Variants in ZNF438 observed in about 807,000 individuals in gnomAD.
The protein encoded by ZNF438 is zinc finger protein 438.
Under a neutral mutation model 38.0 loss-of-function variants are expected in ZNF438, and 25 were observed. That is an observed-to-expected ratio of 0.66 (90% CI 0.48 to 0.92). The LOEUF (loss-of-function observed/expected upper bound fraction) is 0.92. ZNF438 is among the 40% of genes least tolerant of loss of function. The probability of loss-of-function intolerance (pLI) is 0.00; values close to 1 mark genes in which losing one functional copy is unlikely to be tolerated. For synonymous variants in ZNF438, 372 were observed against 364.1 expected, an observed-to-expected ratio of 1.02 and a Z score of -0.25; for missense variants, 1,007 against 999.6, an observed-to-expected ratio of 1.01 and a Z score of -0.10.
At chr10:30,970,452 T>C (rs142457345) in intron 1 of ZNF438, among the ~76,000 whole-genome samples, 8 of 152,340 alleles carry the variant, frequency 5.3e-5, no homozygotes, top group Admixed American at 2.0e-4. Context: ...AATATTATTA[T>C]TTGATTAAAA....
chr10:30,958,249 A>C (rs2049086397), intron 1 of ZNF438, among the ~76,000 whole-genome samples: 1 of 147,118 alleles, frequency 6.8e-6, no homozygotes, highest in Admixed American at 6.9e-5. Flanking sequence ...AGGTCTTCAG[A>C]AGAGAGTCTT....
intron 1 of ZNF438, among the ~76,000 whole-genome samples, chr10:30,986,907 A>AT (rs1357875399): frequency 1.3e-5 from 2 of 152,226 alleles, no homozygotes; most frequent in Non-Finnish European, 2.9e-5. Flanking sequence ...TTTTACAGTG[A>AT]TAACACAATT....
In ZNF438 at chr10:30,952,462, G is replaced by A. The variant is rs192918443; in HGVS notation, c.-191-10811C>T. ...GAGAAACTACCATCAGAGTGAACAG[G>A]CAACCTACAAAATGGGAGAAAATTT... On this transcript the variant is annotated intron_variant, in intron 1 of 5. Coordinates refer to ENST00000413025, the Ensembl canonical transcript of ZNF438. Among the ~76,000 whole-genome samples the A allele has an allele frequency of 1.6e-3, 244 of 152,006 alleles. 1 individual carries two copies. Among genetic ancestry groups the A allele is most frequent in the African/African-American group, 5.1e-3 (213 of 41,456 alleles).
chr10:30,998,911 T>A (rs920228903), intron 1 of ZNF438, among the ~76,000 whole-genome samples: 2 of 152,190 alleles, frequency 1.3e-5, no homozygotes, highest in Non-Finnish European at 2.9e-5. Flanking sequence ...TCCATACACT[T>A]TCTGAATCTG....
Position 30,928,561 on chromosome 10 carries a change from CA to C in ZNF438, c.-115+13013del, listed in dbSNP as rs574963145. Among the ~76,000 whole-genome samples the C allele has an allele frequency of 2.0e-3, 217 of 109,314 alleles. 3 individuals carry two copies. Among genetic ancestry groups the C allele is most frequent in the Middle Eastern group, 5.1e-3 (1 of 198 alleles). The allele number at this position is 109,314 out of a possible 152,430, so 71.7% of individuals were successfully genotyped here. A position where few individuals can be genotyped will look rare whatever the true frequency, so the allele number is the denominator to read the frequency against. ...GTCACTTCAAATCACAACGTTTGGA[CA>C]AAAAAAAAAAAAGCAAACATTCTGC... On this transcript the variant is annotated intron_variant, in intron 2 of 5. Transcript: ENST00000413025.
At chr10:30,961,715 C>T (rs1274546175) in intron 1 of ZNF438, among the ~76,000 whole-genome samples, 4 of 145,094 alleles carry the variant, frequency 2.8e-5, no homozygotes, top group Non-Finnish European at 4.7e-5. Context: ...GGTGAAACCC[C>T]GTCTCTATTA....
intron 1 of ZNF438, among the ~76,000 whole-genome samples, chr10:30,955,260 A>G (rs964201611): frequency 2.6e-5 from 4 of 152,210 alleles, no homozygotes; most frequent in African/African-American, 7.2e-5. Context: ...ACATAGGAAG[A>G]GACTGAATCA....
At chr10:30,947,033 C>T (rs1444580868) in intron 1 of ZNF438, among the ~76,000 whole-genome samples, 1 of 152,170 alleles carries the variant, frequency 6.6e-6, no homozygotes, top group Non-Finnish European at 1.5e-5. Context: ...TTTTGTGCTA[C>T]TGTCATCATA....
At chr10:30,868,073 A>C (rs11008291) in intron 4 of ZNF438, among the ~76,000 whole-genome samples, 197 of 149,504 alleles carry the variant, frequency 1.3e-3, no homozygotes, top group Admixed American at 3.8e-3. Context: ...TTTTTAAAGA[A>C]TTTTTTTTTT....
intron 1 of ZNF438, among the ~76,000 whole-genome samples, chr10:31,022,539 G>A (rs1463059287): frequency 6.6e-6 from 1 of 152,188 alleles, no homozygotes; most frequent in Non-Finnish European, 1.5e-5. Context: ...GGGATTACAG[G>A]CGTGAGCCAC....
intron 3 of ZNF438, among the ~76,000 whole-genome samples, chr10:30,892,358 T>A (rs142479860): frequency 6.6e-6 from 1 of 152,302 alleles, no homozygotes; most frequent in Non-Finnish European, 1.5e-5. Context: ...AATGTGTGAA[T>A]GTGAACACAT....
chr10:30,845,039 G>A lies in ZNF438; in HGVS notation c.2409C>T (p.Asp803=), dbSNP rs775639913. 1.2e-6 allele frequency: 2 copies of A among 1,614,138 alleles called. No individual in the cohort carries two copies. Among genetic ancestry groups the A allele is most frequent in the South Asian group, 1.1e-5 (1 of 91,086 alleles). Residue 803 remains aspartate, a synonymous_variant, in exon 6 of 6, where the codon GAC becomes GAT. Coordinates refer to ENST00000413025, the Ensembl canonical transcript of ZNF438. ...TTAAAATAGCCCACAGTTTGGAAGG[G>A]TCCTCACAGTTATGCTGGTGCTTCC...
intron 1 of ZNF438, among the ~76,000 whole-genome samples, chr10:30,951,823 C>T (rs1047984535): frequency 6.6e-6 from 1 of 150,682 alleles, no homozygotes; most frequent in Admixed American, 6.6e-5. Context: ...GGCCATACTG[C>T]CCAAGGTAAT....
chr10:30,945,580 G>A (rs1345119954), intron 1 of ZNF438, among the ~76,000 whole-genome samples: 1 of 148,748 alleles, frequency 6.7e-6, no homozygotes, highest in Non-Finnish European at 1.5e-5. Context: ...AGTCCCCAGA[G>A]TGTGATATTC....
chr10:30,850,315 ATT>A lies in ZNF438; in HGVS notation c.88_89del (p.Asn30Ter). On this transcript the variant is annotated frameshift_variant, in exon 5 of 6. Coordinates refer to ENST00000413025, the Ensembl canonical transcript of ZNF438. LOFTEE classifies it high-confidence loss of function. ...GTGCAATGGTCCTAAACTGACTCTT[ATT>A]CTGCAAACCTTTCCTACTCTGTATT... 6.2e-7 allele frequency: 1 copy of A among 1,614,186 alleles called. No individual in the cohort carries two copies. The highest frequency in any genetic ancestry group is 8.5e-7 in the Non-Finnish European group (1 of 1,180,034).
chr10:30,975,243 G>A (rs1564774301), intron 1 of ZNF438, among the ~76,000 whole-genome samples: 1 of 152,048 alleles, frequency 6.6e-6, no homozygotes, highest in Non-Finnish European at 1.5e-5. Context: ...AGCATGTTCT[G>A]AAAAAAACTA....
At chr10:30,847,966 G>A (rs1340242978) in intron 5 of ZNF438, among the ~76,000 whole-genome samples, 1 of 152,228 alleles carries the variant, frequency 6.6e-6, no homozygotes, top group East Asian at 1.9e-4. Flanking sequence ...CGAGCCTAAT[G>A]GGCCAGAGCA....
chr10:31,015,254 A>G (rs1050547742), intron 1 of ZNF438, among the ~76,000 whole-genome samples: 2 of 152,150 alleles, frequency 1.3e-5, no homozygotes, highest in African/African-American at 2.4e-5. Context: ...TATTATTATC[A>G]ATATTGTTTC....
chr10:30,921,913 A>G (rs1028204310), intron 2 of ZNF438, among the ~76,000 whole-genome samples: 3 of 152,194 alleles, frequency 2.0e-5, no homozygotes, highest in African/African-American at 7.2e-5. Context: ...AAAGAAATGC[A>G]TACCTCCTGG....
Sources: gnomAD v4.1 joint callset for allele counts (sites outside exome capture counted in the v4.1 genomes callset) on GRCh38, gnomAD v4.1.1 for gene constraint, MANE v1.5 for transcripts, NCBI Gene and HGNC (gene_info 2026-07-23, HGNC 2026-07-21) for gene names.